The following DEPTOR variants were observed in gnomAD, a reference collection of about 807,000 sequenced individuals.
DEPTOR encodes the protein DEP domain-containing mTOR-interacting protein.
DEPTOR carries 41 observed loss-of-function variants against 41.6 expected under a neutral mutation model. The observed-to-expected ratio is 0.98, with a 90% CI of 0.77 to 1.28. The LOEUF (loss-of-function observed/expected upper bound fraction) is 1.28, where lower values mean the gene tolerates loss of function less well. DEPTOR is among the 50% of genes most tolerant of loss of function. The pLI, the probability that DEPTOR is intolerant of heterozygous loss-of-function variation, is 0.00. For synonymous variants in DEPTOR, 195 were observed against 192.3 expected (o/e 1.01, Z -0.12); for missense variants, 514 against 527.9 (o/e 0.97, Z 0.26).
chr8:119,963,928 AT>A (rs1444516379), intron 3 of DEPTOR, among the ~76,000 whole-genome samples: 1 of 152,080 alleles, frequency 6.6e-6, no homozygotes, highest in African/African-American at 2.4e-5. Context: ...AACAACAAAC[AT>A]TTGTTTGGGA....
intron 6 of DEPTOR, among the ~76,000 whole-genome samples, chr8:120,005,940 G>A (rs918097200): frequency 6.6e-6 from 1 of 152,094 alleles, no homozygotes; most frequent in Non-Finnish European, 1.5e-5. Flanking sequence ...GAGTAAATGT[G>A]GCACAGTAGC....
At chr8:120,039,946 C>T (rs972923132) in intron 8 of DEPTOR, among the ~76,000 whole-genome samples, 4 of 152,130 alleles carry the variant, frequency 2.6e-5, no homozygotes, top group Non-Finnish European at 5.9e-5. Context: ...TCGGTTCAAG[C>T]AATTCTCGTG....
At chr8:119,920,295 T>G (rs1001032145) in intron 1 of DEPTOR, among the ~76,000 whole-genome samples, 1 of 152,180 alleles carries the variant, frequency 6.6e-6, no homozygotes, top group African/African-American at 2.4e-5. Flanking sequence ...CTCCTACTAT[T>G]TGCTATGCAC....
intron 4 of DEPTOR, among the ~76,000 whole-genome samples, chr8:119,991,029 C>CT (rs1554583666): frequency 8.7e-5 from 4 of 45,762 alleles, no homozygotes; most frequent in African/African-American, 2.9e-4. Context: ...CTCGGGTTTT[C>CT]TTTTCTTTCT....
At chr8:120,002,890 CT>C in intron 5 of DEPTOR, 86 bp from the exon 6 acceptor site, 1 of 1,486,172 alleles carries the variant, frequency 6.7e-7, no homozygotes, top group Non-Finnish European at 9.0e-7. Context: ...CTCCTGGCCC[CT>C]CTGGACCTTG....
chr8:120,011,098 A>G lies in DEPTOR; in HGVS notation c.1101+1965A>G, dbSNP rs151122158. 2.8e-3 allele frequency among the ~76,000 whole-genome samples: 420 copies of G among 152,264 alleles called. 1 individual carries two copies. Among genetic ancestry groups the G allele is most frequent in the African/African-American group, 9.5e-3 (395 of 41,544 alleles). ...AGCAATAAGCATGATTGGGATCGCC[A>G]CCTCTCTGATTTCCAGCATGAGCTC... is the stretch of plus-strand genomic sequence containing the variant. On this transcript the variant is annotated intron_variant, in intron 8 of 8. Transcript: ENST00000286234.
At chr8:120,005,298 C>T (rs1586654501) in intron 6 of DEPTOR, among the ~76,000 whole-genome samples, 1 of 152,190 alleles carries the variant, frequency 6.6e-6, no homozygotes, top group Non-Finnish European at 1.5e-5. Context: ...TGACCTACTC[C>T]CTCTTGTTTG....
At chr8:119,906,349 A>G (rs1353008328) in intron 1 of DEPTOR, among the ~76,000 whole-genome samples, 1 of 151,632 alleles carries the variant, frequency 6.6e-6, no homozygotes, top group African/African-American at 2.4e-5. Flanking sequence ...CCAGCTACTC[A>G]GGAGGCTGAG....
intron 1 of DEPTOR, among the ~76,000 whole-genome samples, chr8:119,896,068 A>AT (rs5894503): frequency 6.6e-6 from 1 of 151,612 alleles, no homozygotes; most frequent in Non-Finnish European, 1.5e-5. Context: ...TTATTATGCT[A>AT]TTTTTTTTGC....
intron 1 of DEPTOR, among the ~76,000 whole-genome samples, chr8:119,875,862 T>A (rs1232034347): frequency 1.3e-5 from 2 of 152,212 alleles, no homozygotes; most frequent in African/African-American, 4.8e-5. Context: ...CTGTAAGACT[T>A]GTCCAGTTTT....
chr8:120,017,767 G>T (rs1292977149), intron 8 of DEPTOR, among the ~76,000 whole-genome samples: 1 of 152,136 alleles, frequency 6.6e-6, no homozygotes, highest in East Asian at 1.9e-4. Flanking sequence ...GCTCTTTTCT[G>T]GAAAGTTTAT....
chr8:119,874,551 G>C (rs923897191), intron 1 of DEPTOR: 1 of 152,744 alleles, frequency 6.5e-6, no homozygotes, highest in Non-Finnish European at 1.5e-5. Context: ...CTGAAACCCT[G>C]CACCTATCAG....
At chr8:119,876,617 AAC>A (rs111612581) in intron 1 of DEPTOR, among the ~76,000 whole-genome samples, 2 of 151,190 alleles carry the variant, frequency 1.3e-5, no homozygotes, top group African/African-American at 4.9e-5. Flanking sequence ...CAGCCTGGGC[AAC>A]AGAGTGAGCC....
chr8:119,891,526 A>T (rs1173977162), intron 1 of DEPTOR, among the ~76,000 whole-genome samples: 1 of 152,142 alleles, frequency 6.6e-6, no homozygotes, highest in Non-Finnish European at 1.5e-5. Flanking sequence ...TTTGTTCTTT[A>T]CTACTTACAA....
In DEPTOR at chr8:119,914,335, C is replaced by A. The variant is rs145599995; in HGVS notation, c.123-14065C>A. Among the ~76,000 whole-genome samples the A allele has an allele frequency of 2.8e-3, 426 of 151,860 alleles. 3 individuals are homozygous for A. The highest frequency in any genetic ancestry group is 8.8e-3 in the African/African-American group (365 of 41,442). On this transcript the variant is annotated intron_variant, in intron 1 of 8. Coordinates refer to ENST00000286234, the MANE Select transcript of DEPTOR (RefSeq NM_022783.4). ...GGAATTACAGACATGAGCCACCGTG[C>A]CCACCCTCTTATTTATTTCATAATG...
intron 8 of DEPTOR, among the ~76,000 whole-genome samples, chr8:120,012,026 C>A (rs999128626): frequency 1.3e-5 from 2 of 151,992 alleles, no homozygotes; most frequent in Non-Finnish European, 2.9e-5. Flanking sequence ...TAGAAATTTA[C>A]AAAGCACATT....
At chr8:119,974,684 A>T (rs1016831499) in intron 4 of DEPTOR, among the ~76,000 whole-genome samples, 4 of 151,286 alleles carry the variant, frequency 2.6e-5, no homozygotes, top group African/African-American at 9.7e-5. Context: ...AGGCACAAGA[A>T]TTGCTTGAGC....
chr8:120,027,201 A>G (rs1812810557), intron 8 of DEPTOR, among the ~76,000 whole-genome samples: 1 of 150,636 alleles, frequency 6.6e-6, no homozygotes, highest in African/African-American at 2.4e-5. Flanking sequence ...CTGGGCAAGA[A>G]GAGTGAAACT....
At chr8:119,944,442 C>G (rs1828242864) in intron 3 of DEPTOR, among the ~76,000 whole-genome samples, 1 of 152,142 alleles carries the variant, frequency 6.6e-6, no homozygotes, top group Non-Finnish European at 1.5e-5. Flanking sequence ...CATCCTTCCT[C>G]TTTGCTTCTG....
Sources: gnomAD v4.1 joint callset for allele counts (sites outside exome capture counted in the v4.1 genomes callset) on GRCh38, gnomAD v4.1.1 for gene constraint, MANE v1.5 for transcripts, NCBI Gene and HGNC (gene_info 2026-07-23, HGNC 2026-07-21) for gene names.